PALM2AKAP2: variants seen among roughly 807,000 people sequenced by gnomAD.
PALM2AKAP2 encodes the protein PALM2-AKAP2 fusion protein.
Under a neutral mutation model 71.5 loss-of-function variants are expected in PALM2AKAP2, and 37 were observed. That is an observed-to-expected ratio of 0.52 (90% CI 0.40 to 0.68). The LOEUF (loss-of-function observed/expected upper bound fraction) is 0.68, where lower values mean the gene tolerates loss of function less well. PALM2AKAP2 is among the 30% of genes least tolerant of loss of function. PALM2AKAP2 has a pLI of 0.00. For missense variants in PALM2AKAP2, 1,224 were observed against 1,191.8 expected (o/e 1.03, Z -0.40); for synonymous variants, 468 against 478.8 (o/e 0.98, Z 0.29).
At chr9:109,941,957 T>C (rs183655504) in intron 6 of PALM2AKAP2, among the ~76,000 whole-genome samples, 59 of 152,182 alleles carry the variant, frequency 3.9e-4, no homozygotes, top group Middle Eastern at 3.4e-3. Context: ...AGACAACAGA[T>C]GGGAAAGGTA....
At chr9:110,172,456 A>G (rs181401435) in exon 4 of PALM2AKAP2, 18 of 152,766 alleles carry the variant, frequency 1.2e-4, no homozygotes, top group East Asian at 1.9e-4. Flanking sequence ...GAGGCATTCA[A>G]TGCAAGTATA....
At chr9:109,842,801 G>T (rs927669441) in intron 1 of PALM2AKAP2, among the ~76,000 whole-genome samples, 1 of 151,990 alleles carries the variant, frequency 6.6e-6, no homozygotes, top group African/African-American at 2.4e-5. Flanking sequence ...GATCACTTGA[G>T]GCCAGGAATT....
Position 109,655,685 on chromosome 9 carries a change from C to A in PALM2AKAP2, c.5+14819C>A, listed in dbSNP as rs550364277. Among the ~76,000 whole-genome samples the A allele has an allele frequency of 8.5e-5, 13 of 152,176 alleles. 1 individual carries two copies. Among genetic ancestry groups the A allele is most frequent in the African/African-American group, 1.7e-4 (7 of 41,490 alleles). ...TGCCCCATATATGTAGAATCAAACA[C>A]TATTTATTCTTTTGTGTCTGGATAA... On this transcript the variant is annotated intron_variant, in intron 1 of 6. Transcript: ENST00000374531.
chr9:109,867,661 C>T (rs41306465), intron 2 of PALM2AKAP2, 90 bp downstream of exon 2: 29,684 of 1,431,152 alleles, frequency 0.021, 662 homozygotes, highest in African/African-American at 0.1. Flanking sequence ...GCCGTGAAGG[C>T]GCTGCCGCCA....
chr9:109,965,559 A>G (rs1010735756), intron 6 of PALM2AKAP2, among the ~76,000 whole-genome samples: 4 of 152,234 alleles, frequency 2.6e-5, no homozygotes, highest in African/African-American at 9.6e-5. Context: ...CAGAAAGGTT[A>G]CCAGAGGACC....
chr9:109,698,705 G>A (rs934503847), intron 1 of PALM2AKAP2, among the ~76,000 whole-genome samples: 1 of 152,156 alleles, frequency 6.6e-6, no homozygotes, highest in Admixed American at 6.5e-5. Flanking sequence ...ATGCAGAGTG[G>A]GAAGGCTGGT....
At chr9:109,823,524 G>T (rs1297600662) in intron 1 of PALM2AKAP2, among the ~76,000 whole-genome samples, 1 of 152,190 alleles carries the variant, frequency 6.6e-6, no homozygotes, top group East Asian at 1.9e-4. Context: ...TATGGGAGGG[G>T]GATAGGTGTG....
At chr9:109,776,476 G>A (rs1465101565), upstream of PALM2AKAP2, among the ~76,000 whole-genome samples, 1 of 152,110 alleles carries the variant, frequency 6.6e-6, no homozygotes, top group African/African-American at 2.4e-5. Flanking sequence ...TTGGGCAATG[G>A]GTACAACCAA....
chr9:110,158,757 T>C lies in PALM2AKAP2; in HGVS notation c.2748+2260T>C, dbSNP rs190858674. 1.2e-3 allele frequency among the ~76,000 whole-genome samples: 185 copies of C among 152,364 alleles called. 1 individual carries two copies. The highest frequency in any genetic ancestry group is 4.0e-3 in the African/African-American group (165 of 41,582). On this transcript the variant is annotated intron_variant, in intron 3 of 3. Coordinates refer to ENST00000374525, the Ensembl canonical transcript of PALM2AKAP2. ...ATTAAGCTGTTAATATCCCTGGATC[T>C]TGGATTCAAAGCCAAATGTTTTGCA... is the stretch of plus-strand genomic sequence containing the variant.
intron 1 of PALM2AKAP2, among the ~76,000 whole-genome samples, chr9:110,092,472 C>A (rs774249321): frequency 3.3e-5 from 5 of 151,690 alleles, no homozygotes; most frequent in Non-Finnish European, 5.9e-5. Flanking sequence ...TTTTTTAAAC[C>A]CAAAGAAATT....
intron 1 of PALM2AKAP2, among the ~76,000 whole-genome samples, chr9:109,720,389 A>T (rs1350631042): frequency 6.6e-6 from 1 of 152,218 alleles, no homozygotes; most frequent in East Asian, 1.9e-4. Flanking sequence ...TTGGTGACAC[A>T]CTGATTCTGA....
chr9:109,718,806 G>A (rs62578067), intron 1 of PALM2AKAP2, among the ~76,000 whole-genome samples: 2 of 152,096 alleles, frequency 1.3e-5, no homozygotes, highest in South Asian at 2.1e-4. Flanking sequence ...TTCTTGCTCC[G>A]GGAGCCTGAA....
At chr9:110,093,871 C>T (rs1834772618) in intron 1 of PALM2AKAP2, among the ~76,000 whole-genome samples, 1 of 152,220 alleles carries the variant, frequency 6.6e-6, no homozygotes, top group Admixed American at 6.5e-5. Flanking sequence ...GATTATGCCT[C>T]TCTGGCTTAA....
chr9:109,771,641 T>G (rs1829265017), intron 1 of PALM2AKAP2, among the ~76,000 whole-genome samples: 1 of 152,222 alleles, frequency 6.6e-6, no homozygotes, highest in African/African-American at 2.4e-5. Context: ...GAGAACTCTC[T>G]GATCGCAGGA....
At chr9:109,687,231 C>A (rs1490508325) in intron 1 of PALM2AKAP2, among the ~76,000 whole-genome samples, 1 of 152,140 alleles carries the variant, frequency 6.6e-6, no homozygotes, top group African/African-American at 2.4e-5. Context: ...GCTATATTAG[C>A]CCCCAAAAAG....
chr9:110,047,764 T>A (rs191311680), upstream of PALM2AKAP2, among the ~76,000 whole-genome samples: 1 of 152,264 alleles, frequency 6.6e-6, no homozygotes, highest in Admixed American at 6.5e-5. Flanking sequence ...AAAGTGTTGC[T>A]CTCTAGGTGG....
At chr9:109,943,352 AAGAGAGCCTAGCTAC>A (rs1213771417) in intron 6 of PALM2AKAP2, 1 of 1,614,218 alleles carries the variant, frequency 6.2e-7, no homozygotes, top group Non-Finnish European at 8.5e-7. Context: ...GAAGGGAAGG[AAGAGAGCCTAGCTAC>A]AGAGCCAGCC....
chr9:109,920,031 C>T (rs981446135), intron 3 of PALM2AKAP2, among the ~76,000 whole-genome samples: 1 of 152,144 alleles, frequency 6.6e-6, no homozygotes, highest in Non-Finnish European at 1.5e-5. Context: ...ATGGGTTTGC[C>T]TCAGGTCTAT....
chr9:109,659,577 A>T (rs904187727), intron 1 of PALM2AKAP2, among the ~76,000 whole-genome samples: 44 of 152,190 alleles, frequency 2.9e-4, no homozygotes, highest in African/African-American at 1.0e-3. Context: ...CTTCTACACC[A>T]TAGTATATTA....
Sources: allele counts gnomAD v4.1 joint callset (sites outside exome capture counted in the v4.1 genomes callset), GRCh38; gene constraint gnomAD v4.1.1; transcripts MANE v1.5; gene names NCBI Gene and HGNC (gene_info 2026-07-23, HGNC 2026-07-21).